TSPOAP1: variants seen among roughly 807,000 people sequenced by gnomAD.
TSPOAP1 encodes the protein peripheral-type benzodiazepine receptor-associated protein 1.
In TSPOAP1, 87 loss-of-function variants were observed where a neutral mutation model predicts 197.0. The ratio of observed to expected loss-of-function variants is 0.44; its 90% confidence interval spans 0.37 to 0.53. The LOEUF (loss-of-function observed/expected upper bound fraction) is 0.53. Among genes scored for constraint, TSPOAP1 ranks in the 20% least tolerant of loss-of-function variants. TSPOAP1 has a pLI of 0.00. For synonymous variants in TSPOAP1, 913 were observed against 998.9 expected (o/e 0.91, Z 1.62); for missense variants, 2,174 against 2,411.3 (o/e 0.90, Z 2.06).
rs147085967 is a variant in TSPOAP1 at position 58,308,723 on chromosome 17, T to A, written c.4549A>T (p.Thr1517Ser). 783 of 1,612,974 alleles carry A rather than the reference T, an allele frequency of 4.9e-4. 4 individuals are homozygous for A. In the African/African-American group the frequency reaches 7.2e-3, roughly 15 times the overall value. The stretch of plus-strand genomic sequence containing the variant: ...CCATCTCCAGGGTAGCAGGAGCTGG[T>A]GATGCTGATGCCCCCGCTGCCCGCC... ...QEAGSGGISI[T>S]SSCYPGDGEA... Residue 1517 changes from threonine to serine, a missense_variant, in exon 22 of 32, where the codon ACC (threonine) becomes TCC (serine). By Grantham distance (58) the Thr-to-Ser change is moderately conservative. Around this residue, in one of 5 missense-constraint regions of TSPOAP1, gnomAD observed 1,933 missense variants for 2,139.0 expected, o/e 0.90. Coordinates refer to ENST00000343736, the MANE Select transcript of TSPOAP1 (RefSeq NM_004758.4).
intron 16 of TSPOAP1, among the ~76,000 whole-genome samples, chr17:58,313,576 C>A (rs1258825089): frequency 6.6e-6 from 1 of 151,430 alleles, no homozygotes; most frequent in Non-Finnish European, 1.5e-5. Context: ...CCACTGCACT[C>A]CAGCCTGGGC....
chr17:58,320,719 AG>A, intron 10 of TSPOAP1, 138 bp from the exon 11 acceptor site: 1 of 603,440 alleles, frequency 1.7e-6, no homozygotes, highest in Non-Finnish European at 2.5e-6. Context: ...GTAGGGAGAG[AG>A]GGAAGAGGGA....
At chr17:58,305,810 C>T (rs368096909) in intron 27 of TSPOAP1, 23 bp downstream of exon 27, 25 of 1,612,330 alleles carry the variant, frequency 1.6e-5, no homozygotes, top group Middle Eastern at 1.6e-4. Flanking sequence ...CCCAGCCTCC[C>T]GGGCCCAGGG....
Position 58,312,299 on chromosome 17 carries a change from G to A in TSPOAP1, c.2522C>T (p.Pro841Leu), listed in dbSNP as rs779131160. 1.9e-6 allele frequency: 3 copies of A among 1,612,668 alleles called. No individual in the cohort carries two copies. In the African/African-American group the frequency reaches 4.0e-5, roughly 22 times the overall value. ...LRQALGPGAP[P>L]KAVLENLDLW... The stretch of plus-strand genomic sequence containing the variant: ...GTCCAGGTTCTCCAGCACGGCCTTG[G>A]GTGGCGCCCCAGGCCCCAGGGCCTG... The change falls in exon 17 of 32, where the codon CCC becomes CTC. Residue 841 changes from proline (P) to leucine (L), a missense_variant. Coordinates refer to ENST00000343736, the MANE Select transcript of TSPOAP1 (RefSeq NM_004758.4).
chr17:58,313,402 C>T (rs1356317631), intron 16 of TSPOAP1, among the ~76,000 whole-genome samples: 1 of 152,002 alleles, frequency 6.6e-6, no homozygotes, highest in African/African-American at 2.4e-5. Flanking sequence ...CGCTTGAGCC[C>T]AGGAGTTTGT....
At chr17:58,327,332 G>T (rs1396298020) in intron 1 of TSPOAP1, among the ~76,000 whole-genome samples, 1 of 152,178 alleles carries the variant, frequency 6.6e-6, no homozygotes, top group Non-Finnish European at 1.5e-5. Context: ...GAGAGGGACG[G>T]GGCAGCAGCA....
chr17:58,310,126 C>A lies in TSPOAP1; in HGVS notation c.3732G>T (p.Leu1244=), dbSNP rs1249436332. Residue 1244 remains leucine, a synonymous_variant, in exon 21 of 32, where the codon CTG becomes CTT. Coordinates refer to ENST00000343736, the MANE Select transcript of TSPOAP1 (RefSeq NM_004758.4). The stretch of plus-strand genomic sequence containing the variant: ...GGCCGTGGTCCACGAGGGAGTTCAC[C>A]AGATGAACCCCAAGCTCTGCTGTGT... ...KEDTAELGVH[L]VNSLVDHGRN... is the part of the protein sequence containing the mutation. 1 of 1,613,128 alleles carries A rather than the reference C, an allele frequency of 6.2e-7. No homozygotes were observed. The highest frequency in any genetic ancestry group is 8.5e-7 in the Non-Finnish European group (1 of 1,179,996).
chr17:58,302,286 G>A lies in TSPOAP1; in HGVS notation c.*194C>T. The A allele has an allele frequency of 7.8e-7, 1 of 1,289,614 alleles. No homozygotes were observed. Among genetic ancestry groups the A allele is most frequent in the South Asian group, 1.2e-5 (1 of 81,022 alleles). The allele number at this position is 1,289,614 out of a possible 1,614,324, so 79.9% of individuals were successfully genotyped here. A position where few individuals can be genotyped will look rare whatever the true frequency, so the allele number is the denominator to read the frequency against. Reference sequence around the variant, plus strand: ...CACAGCTTCACTCCTTCTTCCCAGAGCCCAGCCTCCTGAGGAGCTGCTTCC... The same window carrying A: ...CACAGCTTCACTCCTTCTTCCCAGAACCCAGCCTCCTGAGGAGCTGCTTCC... On this transcript the variant is annotated 3_prime_UTR_variant, in exon 32 of 32. Coordinates refer to ENST00000343736, the MANE Select transcript of TSPOAP1 (RefSeq NM_004758.4).
At position 58,312,739 on chromosome 17, in the gene TSPOAP1, AG is replaced by A; in HGVS notation, c.2099-18del. ...TGAGCTCTCCTGGCAGGAGGAGGAC[AG>A]GAAGGGGCAGGGCAGGGGAAGACAG... On this transcript the variant is annotated intron_variant, in intron 16 of 31. Coordinates refer to ENST00000343736, the MANE Select transcript of TSPOAP1 (RefSeq NM_004758.4). 1 of 1,606,254 alleles carries A rather than the reference AG, an allele frequency of 6.2e-7. No homozygotes were observed. Among genetic ancestry groups the A allele is most frequent in the South Asian group, 1.1e-5 (1 of 90,488 alleles).
At chr17:58,323,088 C>T (rs747009846) in intron 7 of TSPOAP1, 49 bp from the exon 8 acceptor site, 9 of 1,569,626 alleles carry the variant, frequency 5.7e-6, no homozygotes, top group Non-Finnish European at 7.8e-6. Flanking sequence ...CCCACATTCC[C>T]CCTCTCCCCA....
intron 16 of TSPOAP1, among the ~76,000 whole-genome samples, chr17:58,314,341 G>T: frequency 6.6e-6 from 1 of 152,212 alleles, no homozygotes; most frequent in South Asian, 2.1e-4. Flanking sequence ...TTGTGAACAT[G>T]ACCTTATTTG....
Position 58,306,843 on chromosome 17 carries a change from G to A in TSPOAP1, c.5109C>T (p.Leu1703=), listed in dbSNP as rs1216028958. ...VDSPAGRQQL[L]QRGYLSPDIL... ...TATCTGGGGACAAATAACCCCGCTG[G>A]AGCAGTTGCTGTCTCCCAGCAGGGC... is the stretch of plus-strand genomic sequence containing the variant. Residue 1703 remains leucine (L), a synonymous_variant, in exon 25 of 32, where the codon CTC becomes CTT. Transcript: ENST00000343736. The A allele has an allele frequency of 6.2e-7, 1 of 1,613,684 alleles. No homozygotes were observed. Among genetic ancestry groups the A allele is most frequent in the Admixed American group, 1.7e-5 (1 of 59,988 alleles).
chr17:58,320,261 C>G (rs1288069726), intron 11 of TSPOAP1, 132 bp from the exon 12 acceptor site: 72 of 1,152,154 alleles, frequency 6.2e-5, no homozygotes, highest in Non-Finnish European at 8.8e-5. Context: ...CTAGCAGTTC[C>G]TAAATGGAAG....
At position 58,308,584 on chromosome 17, in the gene TSPOAP1, C is replaced by T; in HGVS notation, c.4688G>A (p.Arg1563Lys). The change falls in exon 22 of 32, where the codon AGA (arginine) becomes AAA (lysine). Residue 1563 changes from arginine (R) to lysine (K), a missense_variant. Coordinates refer to ENST00000343736, the MANE Select transcript of TSPOAP1 (RefSeq NM_004758.4). Reference protein sequence around the residue: ...PAWEKGEPERRGRSATGRAKE... With the variant: ...PAWEKGEPERKGRSATGRAKE... ...GGCTCTGCCCGTCGCACTGCGGCCTCTCCGCTCTGGTTCCCCTTTCTCCCA... is the reference window on the plus strand; with the variant it reads ...GGCTCTGCCCGTCGCACTGCGGCCTTTCCGCTCTGGTTCCCCTTTCTCCCA... The T allele has an allele frequency of 6.4e-7, 1 of 1,573,404 alleles. No homozygotes were observed. Among genetic ancestry groups the T allele is most frequent in the Non-Finnish European group, 8.6e-7 (1 of 1,157,450 alleles).
In TSPOAP1 at chr17:58,312,150, G is replaced by T. The variant is rs374732692; in HGVS notation, c.2671C>A (p.His891Asn). 1.4e-5 allele frequency: 22 copies of T among 1,613,198 alleles called. No individual in the cohort carries two copies. Among genetic ancestry groups the T allele is most frequent in the Non-Finnish European group, 1.9e-5 (22 of 1,180,002 alleles). The part of the protein sequence containing the change: ...AGVVPSQLRV[H>N]RLTATSAEIT... Reference sequence around the variant, plus strand: ...TCAGCAGATGTGGCTGTCAACCGATGGACCCGCAGCTGGCTGGGCACCACT... The same window carrying T: ...TCAGCAGATGTGGCTGTCAACCGATTGACCCGCAGCTGGCTGGGCACCACT... The change falls in exon 17 of 32, where the codon CAT becomes AAT. Residue 891 changes from histidine (H) to asparagine (N), a missense_variant. Around this residue, in one of 5 missense-constraint regions of TSPOAP1, gnomAD observed 1,933 missense variants for 2,139.0 expected, o/e 0.90. Coordinates refer to ENST00000343736, the MANE Select transcript of TSPOAP1 (RefSeq NM_004758.4).
chr17:58,307,556 G>T, intron 24 of TSPOAP1, 55 bp downstream of exon 24: 1 of 1,585,064 alleles, frequency 6.3e-7, no homozygotes, highest in South Asian at 1.1e-5. Flanking sequence ...AAGGAGGGAG[G>T]AGGGAAGACC....
In TSPOAP1 at chr17:58,309,497, ACAGCCC is replaced by A; in HGVS notation, c.3892-123_3892-118del. 5.9e-6 allele frequency: 8 copies of A among 1,356,220 alleles called. No individual in the cohort carries two copies. Among genetic ancestry groups the A allele is most frequent in the Admixed American group, 2.7e-5 (1 of 37,650 alleles). 84.0% of individuals were successfully genotyped at this position (1,356,220 alleles called of 1,614,324 possible). ...GAAGGCAGGGGTTACGGACAACCCC[ACAGCCC>A]TCCCACGGCTTCCTCCGAGAGGAGA... On this transcript the variant is annotated intron_variant, in intron 21 of 31. Coordinates refer to ENST00000343736, the MANE Select transcript of TSPOAP1 (RefSeq NM_004758.4). This position sits in a 1 kb window ranked among gnomAD's most constrained non-coding sequence, Gnocchi z 5.0.
Position 58,306,395 on chromosome 17 carries a change from T to A in TSPOAP1, c.5171A>T (p.Tyr1724Phe), listed in dbSNP as rs377098418. The A allele has an allele frequency of 6.4e-6, 10 of 1,554,368 alleles. No individual in the cohort carries two copies. The African/African-American group carries it at 1.2e-4, about 19-fold the overall frequency. Residue 1724 changes from tyrosine to phenylalanine, a missense_variant, in exon 26 of 32, where the codon TAC becomes TTC. Coordinates refer to ENST00000343736, the MANE Select transcript of TSPOAP1 (RefSeq NM_004758.4). ...AGGCCCAGTTGTGTGGGCTGTGGAG[T>A]ACACAAACGGACCATTCCCTGATCC... ...LEGSGNGPFV[Y>F]STAHTTGPPP...
chr17:58,307,108 C>T, intron 24 of TSPOAP1, 140 bp from the exon 25 acceptor site: 2 of 877,782 alleles, frequency 2.3e-6, no homozygotes, highest in South Asian at 1.7e-5. Flanking sequence ...AGGGGGAAAA[C>T]AGCAAAGAAC....
Sources: allele counts gnomAD v4.1 joint callset (sites outside exome capture counted in the v4.1 genomes callset), GRCh38; gene constraint gnomAD v4.1.1; regional missense constraint gnomAD v4.1.1; non-coding constraint Gnocchi (gnomAD v3.1); transcripts MANE v1.5; gene names NCBI Gene and HGNC (gene_info 2026-07-23, HGNC 2026-07-21).